Variants in UGT1A9 observed in about 807,000 individuals in gnomAD.
UGT1A9 encodes UDP-glucuronosyltransferase 1A9.
In UGT1A9, 35 loss-of-function variants were observed where a neutral mutation model predicts 45.0. That is an observed-to-expected ratio of 0.78 (90% CI 0.59 to 1.03). The LOEUF is 1.03. Ranked by LOEUF, UGT1A9 falls within the 50% of genes least tolerant of loss-of-function variation. The pLI is 0.00. For missense variants in UGT1A9, 687 were observed against 666.6 expected, an observed-to-expected ratio of 1.03 and a Z score of -0.34; for synonymous variants, 278 against 250.6, an observed-to-expected ratio of 1.11 and a Z score of -1.03.
intron 1 of UGT1A9, among the ~76,000 whole-genome samples, chr2:233,717,375 A>C (rs1330079040): frequency 6.6e-6 from 1 of 152,208 alleles, no homozygotes; most frequent in African/African-American, 2.4e-5. Context: ...AAGCCCTTAC[A>C]GACCTGCCCT....
At chr2:233,696,152 T>C (rs753392711) in intron 1 of UGT1A9, among the ~76,000 whole-genome samples, 1 of 152,196 alleles carries the variant, frequency 6.6e-6, no homozygotes, top group Non-Finnish European at 1.5e-5. Context: ...GCTGGGTATA[T>C]ATCCAAAAGA....
chr2:233,733,606 A>G (rs921303944), intron 1 of UGT1A9, among the ~76,000 whole-genome samples: 5 of 152,192 alleles, frequency 3.3e-5, no homozygotes, highest in African/African-American at 1.2e-4. Context: ...GATGGATTAC[A>G]TTTATTGATT....
chr2:233,747,214 A>T, intron 1 of UGT1A9: 1 of 1,605,452 alleles, frequency 6.2e-7, no homozygotes, highest in Non-Finnish European at 8.5e-7. Flanking sequence ...TTCTGCTGAG[A>T]TGGCCACAGG....
At chr2:233,695,979 G>A (rs568625801) in intron 1 of UGT1A9, among the ~76,000 whole-genome samples, 1 of 152,236 alleles carries the variant, frequency 6.6e-6, no homozygotes, top group African/African-American at 2.4e-5. Flanking sequence ...CAGTTCTGAA[G>A]ATGTCCACCT....
intron 1 of UGT1A9, among the ~76,000 whole-genome samples, chr2:233,748,275 A>G (rs147171654): frequency 6.6e-6 from 1 of 151,830 alleles, no homozygotes; most frequent in Non-Finnish European, 1.5e-5. Context: ...CAATGAGAGG[A>G]AGAAGAGGCA....
At chr2:233,730,660 G>A (rs979166401) in intron 1 of UGT1A9, among the ~76,000 whole-genome samples, 21 of 152,010 alleles carry the variant, frequency 1.4e-4, no homozygotes, top group African/African-American at 5.1e-4. Flanking sequence ...CTCAGAGTTC[G>A]GAAGGCAAAG....
chr2:233,750,287 A>AT (rs1158037876), intron 1 of UGT1A9, among the ~76,000 whole-genome samples: 1 of 151,952 alleles, frequency 6.6e-6, no homozygotes, highest in Non-Finnish European at 1.5e-5. Context: ...GACTGGTGGC[A>AT]TTTTGCCCCT....
At chr2:233,718,862 A>T (rs62191899) in intron 1 of UGT1A9, 1 of 1,613,832 alleles carries the variant, frequency 6.2e-7, no homozygotes, top group Non-Finnish European at 8.5e-7. Flanking sequence ...GGCTGGCCAC[A>T]GGACTGCTGC....
Position 233,772,812 on chromosome 2 carries a change from C to T in UGT1A9, c.*253C>T, listed in dbSNP as rs61757316. ...ATGACATGTGCCATTTTTCAGAGGA[C>T]GTGCAGACAGGCTGGCATTCTAGAT... On this transcript the variant is annotated 3_prime_UTR_variant, in exon 5 of 5. Coordinates refer to ENST00000354728, the MANE Select transcript of UGT1A9 (RefSeq NM_021027.3). The T allele has an allele frequency of 4.4e-5, 46 of 1,035,780 alleles. No individual in the cohort carries two copies. The highest frequency in any genetic ancestry group is 6.9e-4 in the Middle Eastern group (2 of 2,918). 64.2% of individuals were successfully genotyped at this position (1,035,780 alleles called of 1,614,324 possible).
At chr2:233,683,478 T>G (rs1291530429) in intron 1 of UGT1A9, among the ~76,000 whole-genome samples, 1 of 152,124 alleles carries the variant, frequency 6.6e-6, no homozygotes, top group Non-Finnish European at 1.5e-5. Context: ...TATTTTCATA[T>G]TTTTGCTTTT....
intron 1 of UGT1A9, among the ~76,000 whole-genome samples, chr2:233,757,535 A>AATATATATACAT (rs376887521): frequency 1.6e-4 from 14 of 88,310 alleles, no homozygotes; most frequent in Middle Eastern, 5.7e-3. Flanking sequence ...GCCTGTAAGG[A>AATATATATACAT]ATATATATAT....
intron 1 of UGT1A9, among the ~76,000 whole-genome samples, chr2:233,700,723 A>T (rs1341178459): frequency 6.6e-6 from 1 of 151,984 alleles, no homozygotes; most frequent in African/African-American, 2.4e-5. Context: ...TTTTTTTAAA[A>T]ATTTTATTAT....
At chr2:233,737,974 T>C (rs1690646890) in intron 1 of UGT1A9, among the ~76,000 whole-genome samples, 1 of 152,114 alleles carries the variant, frequency 6.6e-6, no homozygotes, top group South Asian at 2.1e-4. Flanking sequence ...CTAGATTTAA[T>C]ATGGTTTGGC....
chr2:233,726,371 C>A (rs1294856696), intron 1 of UGT1A9, among the ~76,000 whole-genome samples: 2 of 152,074 alleles, frequency 1.3e-5, no homozygotes, highest in African/African-American at 4.8e-5. Flanking sequence ...ACAACAAAAA[C>A]CAAAATTGCT....
At chr2:233,708,951 A>G (rs186386520) in intron 1 of UGT1A9, among the ~76,000 whole-genome samples, 11 of 152,180 alleles carry the variant, frequency 7.2e-5, no homozygotes, top group Admixed American at 7.2e-4. Flanking sequence ...GAACCCATTT[A>G]TATGTTTCCA....
intron 1 of UGT1A9, among the ~76,000 whole-genome samples, chr2:233,717,385 T>G (rs2076570298): frequency 6.6e-6 from 1 of 152,230 alleles, no homozygotes; most frequent in Non-Finnish European, 1.5e-5. Context: ...AGACCTGCCC[T>G]CTCTGTGCCA....
At chr2:233,717,517 C>T (rs1267847628) in intron 1 of UGT1A9, among the ~76,000 whole-genome samples, 2 of 152,244 alleles carry the variant, frequency 1.3e-5, no homozygotes, top group African/African-American at 2.4e-5. Flanking sequence ...ATGGGAGTAA[C>T]TTCCTCCATA....
At position 233,772,264 on chromosome 2, in the gene UGT1A9, A is replaced by G. The variant is rs766626435; in HGVS notation, c.1298A>G (p.Tyr433Cys). Reference sequence around the variant, plus strand: ...AACGAAACTGTCTTTGTGTTTAGTTACAAGGAGAACATCATGCGCCTCTCC... The same window carrying G: ...AACGAAACTGTCTTTGTGTTTAGTTGCAAGGAGAACATCATGCGCCTCTCC... Reference protein sequence around the residue: ...ALKAVINDKSYKENIMRLSSL... With the variant: ...ALKAVINDKSCKENIMRLSSL... The change falls in exon 5 of 5, where the codon TAC becomes TGC. Residue 433 changes from tyrosine to cysteine, a missense_variant and splice_region_variant. Tyr to Cys is a radical substitution (Grantham distance 194). Coordinates refer to ENST00000354728, the MANE Select transcript of UGT1A9 (RefSeq NM_021027.3). The G allele has an allele frequency of 2.5e-6, 4 of 1,614,262 alleles. No homozygotes were observed. Among genetic ancestry groups the G allele is most frequent in the Admixed American group, 1.7e-5 (1 of 60,030 alleles).
At chr2:233,691,138 TG>T in intron 1 of UGT1A9, 1 of 985,810 alleles carries the variant, frequency 1.0e-6, no homozygotes, top group Non-Finnish European at 1.2e-6. Context: ...TTCCTCTAGA[TG>T]AACTGTTCTT....
Sources: gnomAD v4.1 joint callset for allele counts (sites outside exome capture counted in the v4.1 genomes callset) on GRCh38, gnomAD v4.1.1 for gene constraint, MANE v1.5 for transcripts, NCBI Gene and HGNC (gene_info 2026-07-23, HGNC 2026-07-21) for gene names.